ZNF667: variants seen among roughly 807,000 people sequenced by gnomAD.
ZNF667 encodes the protein myocardial ischemic preconditioning upregulated 1 ortholog.
A neutral mutation model predicts 31.8 loss-of-function variants in ZNF667; 13 were observed. That is an observed-to-expected ratio of 0.41 (90% CI 0.27 to 0.65). The LOEUF (loss-of-function observed/expected upper bound fraction) is 0.65, where lower values mean the gene tolerates loss of function less well. Among genes scored for constraint, ZNF667 ranks in the 30% least tolerant of loss-of-function variants. The probability of loss-of-function intolerance (pLI) is 0.32; values close to 1 mark genes in which losing one functional copy is unlikely to be tolerated. For synonymous variants in ZNF667, 228 were observed against 247.1 expected (o/e 0.92, Z 0.73); for missense variants, 642 against 725.6 (o/e 0.88, Z 1.32).
intron 3 of ZNF667, chr19:56,467,607 AG>A (rs1262206602): frequency 6.6e-6 from 1 of 152,176 alleles, no homozygotes; most frequent in Admixed American, 6.5e-5. Flanking sequence ...TTCAGATACC[AG>A]TTGCAAGTCT....
rs1237925968 is a variant in ZNF667, at chr19:56,470,032, C to G, written c.-60+1667G>C. 6 of 458,056 alleles carry G rather than the reference C, an allele frequency of 1.3e-5. No homozygotes were observed. The East Asian group carries it at 3.4e-4, about 26-fold the overall frequency. The allele number at this position is 458,056 out of a possible 1,614,324, so 28.4% of individuals were successfully genotyped here. On this transcript the variant is annotated intron_variant, in intron 3 of 6. Transcript: ENST00000504904. ...GCTTTATCTCTTGTCCTCCACCGGA[C>G]AATGCATTGACCAATGTTCTCATGT...
intron 3 of ZNF667, chr19:56,470,008 C>T (rs1359109404): frequency 2.2e-6 from 1 of 462,026 alleles, no homozygotes; most frequent in Admixed American, 2.3e-5. Flanking sequence ...TGCCTTCTGG[C>T]TTTATCTCTT....
intron 3 of ZNF667, among the ~76,000 whole-genome samples, chr19:56,465,768 G>A (rs1055156598): frequency 2.6e-5 from 4 of 152,188 alleles, no homozygotes; most frequent in African/African-American, 7.2e-5. Context: ...AGATCAGCAG[G>A]GCAGGCTTGA....
chr19:56,451,331 AT>A (rs1284906328), intron 6 of ZNF667, among the ~76,000 whole-genome samples: 1 of 152,180 alleles, frequency 6.6e-6, no homozygotes, highest in Non-Finnish European at 1.5e-5. Context: ...TAAAGCAAAT[AT>A]TTTCAGAGCT....
intron 1 of ZNF667, among the ~76,000 whole-genome samples, chr19:56,476,209 C>T (rs1259845825): frequency 6.6e-6 from 1 of 152,136 alleles, no homozygotes; most frequent in Non-Finnish European, 1.5e-5. Context: ...CGCCACAGTC[C>T]ATGCTCTTAT....
intron 2 of ZNF667, among the ~76,000 whole-genome samples, chr19:56,473,220 T>C (rs888965030): frequency 1.3e-5 from 2 of 152,228 alleles, no homozygotes; most frequent in Admixed American, 1.3e-4. Flanking sequence ...AGTATTTAAC[T>C]CTGCCGTCCG....
chr19:56,458,188 T>C lies in ZNF667; in HGVS notation c.220A>G (p.Met74Val), dbSNP rs1192355416. Residue 74 changes from methionine to valine, a missense_variant, in exon 6 of 7, where the codon ATG (methionine) becomes GTG (valine). Transcript: ENST00000504904. ...TLLEKGKAPW[M>V]VEPVRRRRAP... Reference sequence around the variant, plus strand: ...CGGCGTCTTCTTACTGGCTCTACCATCCAGGGTGCTTTCCCTTTCTCCAAT... The same window carrying C: ...CGGCGTCTTCTTACTGGCTCTACCACCCAGGGTGCTTTCCCTTTCTCCAAT... 2.5e-6 allele frequency: 4 copies of C among 1,614,212 alleles called. No individual in the cohort carries two copies. Among genetic ancestry groups the C allele is most frequent in the Non-Finnish European group, 3.4e-6 (4 of 1,180,022 alleles).
At position 56,440,937 on chromosome 19, in the gene ZNF667, A is replaced by G; in HGVS notation, c.*225T>C. On this transcript the variant is annotated 3_prime_UTR_variant, in exon 7 of 7. Transcript: ENST00000504904. The stretch of plus-strand genomic sequence containing the variant: ...TGCGCCCAGCCAGTAATTCTTATCA[A>G]ATGAAAAATGATCTTCATTCACAAT... 1 of 1,374,240 alleles carries G rather than the reference A, an allele frequency of 7.3e-7. No homozygotes were observed. The highest frequency in any genetic ancestry group is 9.4e-7 in the Non-Finnish European group (1 of 1,066,714). The allele number at this position is 1,374,240 out of a possible 1,614,324, so 85.1% of individuals were successfully genotyped here.
chr19:56,453,039 A>T (rs1352371693), intron 6 of ZNF667, among the ~76,000 whole-genome samples: 1 of 152,206 alleles, frequency 6.6e-6, no homozygotes, highest in Non-Finnish European at 1.5e-5. Flanking sequence ...TGCAAAAGGA[A>T]TGATTGCAAC....
At chr19:56,475,840 G>C (rs1243544777) in intron 1 of ZNF667, 1 of 152,092 alleles carries the variant, frequency 6.6e-6, no homozygotes, top group African/African-American at 2.4e-5. Flanking sequence ...CTACCCTAAT[G>C]CTGCCCTCCC....
At chr19:56,450,544 G>A (rs1483207977) in intron 6 of ZNF667, among the ~76,000 whole-genome samples, 1 of 152,098 alleles carries the variant, frequency 6.6e-6, no homozygotes, top group Non-Finnish European at 1.5e-5. Flanking sequence ...ACACTCACTA[G>A]CAATAGTAAC....
chr19:56,454,214 T>C (rs1402207933), intron 6 of ZNF667, among the ~76,000 whole-genome samples: 1 of 152,172 alleles, frequency 6.6e-6, no homozygotes, highest in African/African-American at 2.4e-5. Context: ...TCCATGCTCA[T>C]GGATTTGAAG....
chr19:56,451,444 CGGACCTAAT>C (rs2042820291), intron 6 of ZNF667, among the ~76,000 whole-genome samples: 1 of 152,150 alleles, frequency 6.6e-6, no homozygotes, highest in Admixed American at 6.5e-5. Flanking sequence ...AAAGAAACAT[CGGACCTAAT>C]GGACCTAATA....
At chr19:56,452,274 T>C (rs1216601853) in intron 6 of ZNF667, among the ~76,000 whole-genome samples, 1 of 152,102 alleles carries the variant, frequency 6.6e-6, no homozygotes, top group Non-Finnish European at 1.5e-5. Flanking sequence ...GGTTTCGAAC[T>C]CCTGACCTCA....
At chr19:56,450,614 C>T (rs546280228) in intron 6 of ZNF667, among the ~76,000 whole-genome samples, 1 of 152,218 alleles carries the variant, frequency 6.6e-6, no homozygotes, top group East Asian at 1.9e-4. Context: ...CTACTCATAT[C>T]TTAAGTAGGA....
chr19:56,473,613 G>C (rs1568457385), intron 2 of ZNF667, among the ~76,000 whole-genome samples: 1 of 152,158 alleles, frequency 6.6e-6, no homozygotes. Flanking sequence ...TCACATCTGG[G>C]AGTAGGGGTG....
intron 6 of ZNF667, among the ~76,000 whole-genome samples, chr19:56,454,384 C>A (rs2042892059): frequency 6.6e-6 from 1 of 151,822 alleles, no homozygotes; most frequent in Non-Finnish European, 1.5e-5. Context: ...CCATCCTGAG[C>A]AAAAAGAATA....
intron 6 of ZNF667, among the ~76,000 whole-genome samples, chr19:56,455,765 TACAATAGGAATGTTTGTAAC>T (rs2042918664): frequency 6.6e-6 from 1 of 151,990 alleles, no homozygotes; most frequent in Non-Finnish European, 1.5e-5. Context: ...ACTGAGAGAG[TACAATAGGAATGTTTGTAAC>T]ACAATAATAA....
intron 6 of ZNF667, among the ~76,000 whole-genome samples, chr19:56,457,551 A>G (rs2042959515): frequency 6.6e-6 from 1 of 152,172 alleles, no homozygotes; most frequent in Non-Finnish European, 1.5e-5. Context: ...GGTTGTTGGG[A>G]GGAAGACCCT....
Sources: allele counts gnomAD v4.1 joint callset (sites outside exome capture counted in the v4.1 genomes callset), GRCh38; gene constraint gnomAD v4.1.1; transcripts MANE v1.5; gene names NCBI Gene and HGNC (gene_info 2026-07-23, HGNC 2026-07-21).